The following FBXL17 variants were observed in gnomAD, a reference collection of about 807,000 sequenced individuals.
The protein encoded by FBXL17 is F-box and leucine rich repeat protein 17.
Under a neutral mutation model 66.2 loss-of-function variants are expected in FBXL17, and 22 were observed. That is an observed-to-expected ratio of 0.33 (90% CI 0.24 to 0.47). FBXL17 has a LOEUF of 0.47. Among genes scored for constraint, FBXL17 ranks in the 20% least tolerant of loss-of-function variants. The pLI, the probability that FBXL17 is intolerant of heterozygous loss-of-function variation, is 1.00. For synonymous variants in FBXL17, 474 were observed against 400.5 expected, an observed-to-expected ratio of 1.18 and a Z score of -2.19; for missense variants, 878 against 948.2, an observed-to-expected ratio of 0.93 and a Z score of 0.97.
At chr5:107,888,845 A>AT (rs1200421392) in intron 7 of FBXL17, among the ~76,000 whole-genome samples, 1 of 152,114 alleles carries the variant, frequency 6.6e-6, no homozygotes, top group Non-Finnish European at 1.5e-5. Context: ...CATGTGGGTA[A>AT]TTGCCTATGA....
At chr5:107,939,172 GTATTATGC>G (rs1751010967) in intron 7 of FBXL17, among the ~76,000 whole-genome samples, 1 of 151,992 alleles carries the variant, frequency 6.6e-6, no homozygotes, top group South Asian at 2.1e-4. Context: ...GATGTGCCAG[GTATTATGC>G]TATTGGACAT....
intron 7 of FBXL17, among the ~76,000 whole-genome samples, chr5:107,905,842 T>C (rs1387605913): frequency 6.6e-6 from 1 of 152,212 alleles, no homozygotes; most frequent in African/African-American, 2.4e-5. Flanking sequence ...ACATTTTCTC[T>C]GGGCCTCAGC....
chr5:108,319,803 C>A (rs571560664), intron 4 of FBXL17, among the ~76,000 whole-genome samples: 1 of 151,620 alleles, frequency 6.6e-6, no homozygotes, highest in South Asian at 2.1e-4. Flanking sequence ...AGGATAATTA[C>A]CTCTATAATT....
At chr5:107,992,922 G>T (rs1321716267) in intron 7 of FBXL17, among the ~76,000 whole-genome samples, 1 of 151,532 alleles carries the variant, frequency 6.6e-6, no homozygotes, top group South Asian at 2.1e-4. Flanking sequence ...TTGAGATGGA[G>T]TCTTGCTCTG....
intron 6 of FBXL17, among the ~76,000 whole-genome samples, chr5:108,149,725 T>C (rs1164122793): frequency 1.3e-5 from 2 of 152,234 alleles, no homozygotes; most frequent in African/African-American, 4.8e-5. Flanking sequence ...ATTAATTTAC[T>C]GTGAACGGAA....
chr5:108,272,456 T>C (rs1306470817), intron 4 of FBXL17, among the ~76,000 whole-genome samples: 1 of 151,524 alleles, frequency 6.6e-6, no homozygotes, highest in African/African-American at 2.4e-5. Flanking sequence ...CAGGTTCAAG[T>C]GATTCTTGTG....
intron 4 of FBXL17, among the ~76,000 whole-genome samples, chr5:108,333,851 G>A (rs1347226771): frequency 2.0e-5 from 3 of 152,124 alleles, no homozygotes; most frequent in Admixed American, 2.0e-4. Context: ...TGTGCAAAGA[G>A]TTAATTCAAA....
chr5:108,381,493 T>A lies in FBXL17; in HGVS notation c.199A>T (p.Ser67Cys), dbSNP rs1749925784. The A allele has an allele frequency of 7.4e-7, 1 of 1,353,538 alleles. No individual in the cohort carries two copies. Among genetic ancestry groups the A allele is most frequent in the African/African-American group, 1.5e-5 (1 of 65,042 alleles). 83.8% of individuals were successfully genotyped at this position (1,353,538 alleles called of 1,614,324 possible). ...GPCMLCFIVHSPGAPAPAGPE... is the reference protein window; with the variant it reads ...GPCMLCFIVHCPGAPAPAGPE... ...CCGGCGGGGGCGGGCGCGCCGGGAC[T>A]GTGCACGATGAAGCAGAGCATGCAG... Residue 67 changes from serine to cysteine, a missense_variant, in exon 1 of 9, where the codon AGT (serine) becomes TGT (cysteine). This residue lies in a region of FBXL17 where 605 missense variants were observed against 509.5 expected (regional missense o/e 1.19). Transcript: ENST00000542267.
intron 4 of FBXL17, among the ~76,000 whole-genome samples, chr5:108,303,779 G>A (rs1044628155): frequency 6.6e-6 from 1 of 151,764 alleles, no homozygotes; most frequent in Non-Finnish European, 1.5e-5. Flanking sequence ...CTTAGTAACA[G>A]TGGAATTTTT....
intron 4 of FBXL17, among the ~76,000 whole-genome samples, chr5:108,318,572 T>C (rs1409153612): frequency 6.6e-6 from 1 of 151,902 alleles, no homozygotes; most frequent in African/African-American, 2.4e-5. Flanking sequence ...TATTTGTATA[T>C]AATTTCAAAT....
intron 3 of FBXL17, among the ~76,000 whole-genome samples, chr5:108,354,337 C>T (rs1264612200): frequency 6.6e-6 from 1 of 151,820 alleles, no homozygotes; most frequent in Admixed American, 6.6e-5. Flanking sequence ...GTAGGCAACA[C>T]GCAAGCACCA....
At chr5:108,171,821 G>A (rs996844912) in intron 6 of FBXL17, among the ~76,000 whole-genome samples, 5 of 151,896 alleles carry the variant, frequency 3.3e-5, no homozygotes, top group Non-Finnish European at 5.9e-5. Context: ...GTTGTGGGAG[G>A]ACTTGGTGGG....
In FBXL17 at chr5:108,162,868, T is replaced by G. The variant is rs7719174; in HGVS notation, c.1745+23249A>C. Among the ~76,000 whole-genome samples, 987 of 152,298 alleles carry G rather than the reference T, an allele frequency of 6.5e-3. 15 individuals carry two copies. The highest frequency in any genetic ancestry group is 0.022 in the African/African-American group (918 of 41,556). On this transcript the variant is annotated intron_variant, in intron 6 of 8. Coordinates refer to ENST00000542267, the MANE Select transcript of FBXL17 (RefSeq NM_001163315.3). ...TTATTGGTATTATTCTGTATTGATG[T>G]GCAGAGAGGTTTCTGAAATCCTAAG...
chr5:108,380,824 G>C lies in FBXL17; in HGVS notation c.868C>G (p.Gln290Glu), dbSNP rs1030453554. 2 of 1,247,946 alleles carry C rather than the reference G, an allele frequency of 1.6e-6. No individual in the cohort carries two copies. Among genetic ancestry groups the C allele is most frequent in the African/African-American group, 3.1e-5 (2 of 64,594 alleles). The allele number at this position is 1,247,946 out of a possible 1,614,324, so 77.3% of individuals were successfully genotyped here. ...RAGGTAPLSAQQQHECGDADC... is the reference protein window; with the variant it reads ...RAGGTAPLSAEQQHECGDADC... ...GCGTCGCCACATTCATGCTGCTGCT[G>C]GGCGGACAAGGGGGCGGTGCCCCCG... is the stretch of plus-strand genomic sequence containing the variant. Residue 290 changes from glutamine (Q) to glutamate (E), a missense_variant, in exon 1 of 9, where the codon CAG (glutamine) becomes GAG (glutamate). Physicochemically the swap from Gln to Glu is conservative, Grantham distance 29 (BLOSUM62 2). This residue lies in a region of FBXL17 where 605 missense variants were observed against 509.5 expected (regional missense o/e 1.19). Transcript: ENST00000542267.
chr5:108,220,948 T>C lies in FBXL17; in HGVS notation c.1614+3173A>G, dbSNP rs370954478. Among the ~76,000 whole-genome samples the C allele has an allele frequency of 2.2e-4, 34 of 152,320 alleles. No individual in the cohort carries two copies. The South Asian group carries it at 6.8e-3, about 31-fold the overall frequency. ...TCACTAATACTCTTAACTGTAAATG[T>C]AGACCTCAAAAATTCTTATCTTTGC... On this transcript the variant is annotated intron_variant, in intron 5 of 8. Coordinates refer to ENST00000542267, the MANE Select transcript of FBXL17 (RefSeq NM_001163315.3).
intron 7 of FBXL17, among the ~76,000 whole-genome samples, chr5:107,901,754 A>G (rs1212064629): frequency 6.6e-6 from 1 of 152,180 alleles, no homozygotes; most frequent in Non-Finnish European, 1.5e-5. Flanking sequence ...TTTCAGCCAG[A>G]GTATTTTCAA....
intron 7 of FBXL17, among the ~76,000 whole-genome samples, chr5:107,962,145 G>T (rs1229482742): frequency 6.6e-6 from 1 of 152,068 alleles, no homozygotes; most frequent in Non-Finnish European, 1.5e-5. Context: ...AAAAGGTCTG[G>T]AGATAGTGGT....
intron 7 of FBXL17, among the ~76,000 whole-genome samples, chr5:107,914,060 A>G (rs974523036): frequency 2.0e-5 from 3 of 151,620 alleles, no homozygotes; most frequent in African/African-American, 7.3e-5. Context: ...ATTTAGTTCT[A>G]TAGGAATACT....
intron 6 of FBXL17, among the ~76,000 whole-genome samples, chr5:108,025,613 C>A (rs1754769477): frequency 6.6e-6 from 1 of 151,750 alleles, no homozygotes; most frequent in Admixed American, 6.6e-5. Flanking sequence ...TGAAACTAAA[C>A]AAGCCAAGAA....
Sources: allele counts gnomAD v4.1 joint callset (sites outside exome capture counted in the v4.1 genomes callset), GRCh38; gene constraint gnomAD v4.1.1; regional missense constraint gnomAD v4.1.1; transcripts MANE v1.5; gene names NCBI Gene and HGNC (gene_info 2026-07-23, HGNC 2026-07-21).